RBM47: variants seen among roughly 807,000 people sequenced by gnomAD.
The protein encoded by RBM47 is RNA binding motif protein 47.
RBM47 carries 21 observed loss-of-function variants against 47.1 expected under a neutral mutation model. The observed-to-expected ratio is 0.45, with a 90% CI of 0.32 to 0.64. The LOEUF (loss-of-function observed/expected upper bound fraction) is 0.64. Among genes scored for constraint, RBM47 ranks in the 30% least tolerant of loss-of-function variants. The probability of loss-of-function intolerance (pLI) is 0.05; values close to 1 mark genes in which losing one functional copy is unlikely to be tolerated. For missense variants in RBM47, 708 were observed against 870.9 expected, an observed-to-expected ratio of 0.81 and a Z score of 2.35; for synonymous variants, 375 against 361.7, an observed-to-expected ratio of 1.04 and a Z score of -0.42.
At chr4:40,540,048 T>A in intron 2 of RBM47, among the ~76,000 whole-genome samples, 1 of 152,102 alleles carries the variant, frequency 6.6e-6, no homozygotes, top group East Asian at 1.9e-4. Flanking sequence ...ACTCCAAATG[T>A]TTTACTATTT....
intron 1 of RBM47, among the ~76,000 whole-genome samples, chr4:40,562,736 G>A (rs1730752901): frequency 6.6e-6 from 1 of 152,152 alleles, no homozygotes; most frequent in Non-Finnish European, 1.5e-5. Flanking sequence ...AAAGCATTAG[G>A]ATTACAGGCG....
intron 1 of RBM47, among the ~76,000 whole-genome samples, chr4:40,618,257 T>G (rs11943734): frequency 0.27 from 39,706 of 148,990 alleles, 5,425 homozygotes; most frequent in South Asian, 0.35. Flanking sequence ...AAAAAGAAAA[T>G]AAAAGAAAAG....
chr4:40,629,107 GT>G (rs1269218460), intron 1 of RBM47, among the ~76,000 whole-genome samples: 12 of 150,082 alleles, frequency 8.0e-5, no homozygotes, highest in African/African-American at 3.0e-4. Context: ...ATTTTCAAGA[GT>G]GAAAAAAAAA....
intron 3 of RBM47, among the ~76,000 whole-genome samples, chr4:40,446,962 TGTCTGGCA>T (rs1714634859): frequency 6.6e-6 from 1 of 152,126 alleles, no homozygotes; most frequent in African/African-American, 2.4e-5. Flanking sequence ...GCAGGTAAGC[TGTCTGGCA>T]GTGTGATTCT....
At chr4:40,490,516 T>C (rs1721722198) in intron 2 of RBM47, among the ~76,000 whole-genome samples, 1 of 152,046 alleles carries the variant, frequency 6.6e-6, no homozygotes, top group South Asian at 2.1e-4. Context: ...AATATAAAAT[T>C]AACAAAGCAA....
intron 1 of RBM47, among the ~76,000 whole-genome samples, chr4:40,592,260 T>A (rs575396900): frequency 6.7e-6 from 1 of 149,872 alleles, no homozygotes; most frequent in East Asian, 1.9e-4. Flanking sequence ...TCTTTTACTT[T>A]TTTTTTTTTT....
intron 1 of RBM47, among the ~76,000 whole-genome samples, chr4:40,600,706 C>T (rs545200624): frequency 2.7e-5 from 4 of 147,916 alleles, no homozygotes; most frequent in African/African-American, 7.5e-5. Flanking sequence ...CAAGGCCGGA[C>T]GCAGTGGCTC....
chr4:40,625,947 G>A (rs1355014935), intron 1 of RBM47, among the ~76,000 whole-genome samples: 1 of 152,132 alleles, frequency 6.6e-6, no homozygotes, highest in Non-Finnish European at 1.5e-5. Flanking sequence ...CCCTGAAATG[G>A]CCTTCAGAAA....
intron 2 of RBM47, chr4:40,515,811 A>G (rs989994697): frequency 6.6e-5 from 10 of 152,252 alleles, no homozygotes; most frequent in Non-Finnish European, 1.2e-4. Flanking sequence ...GGCACAGAGC[A>G]GTTCTTGACA....
chr4:40,594,963 G>A (rs1734618863), intron 1 of RBM47, among the ~76,000 whole-genome samples: 2 of 152,010 alleles, frequency 1.3e-5, no homozygotes, highest in Admixed American at 1.3e-4. Context: ...TTTTTGGCAG[G>A]CACCACAGAT....
At chr4:40,592,948 T>C (rs1734305204) in intron 1 of RBM47, among the ~76,000 whole-genome samples, 1 of 8,608 alleles carries the variant, frequency 1.2e-4, no homozygotes, top group African/African-American at 4.1e-4. Flanking sequence ...TATATATATA[T>C]ATATATATAT....
chr4:40,496,213 G>A (rs1222018630), intron 2 of RBM47, among the ~76,000 whole-genome samples: 1 of 152,174 alleles, frequency 6.6e-6, no homozygotes, highest in East Asian at 1.9e-4. Context: ...CAGCACCTGT[G>A]TTGTGTGGGT....
chr4:40,529,986 A>T (rs1329730519), intron 2 of RBM47, among the ~76,000 whole-genome samples: 4 of 106,114 alleles, frequency 3.8e-5, no homozygotes, highest in African/African-American at 1.5e-4. Flanking sequence ...CCCAGGCTGG[A>T]TTACAGTGGT....
rs1300005872 is a variant in RBM47 at position 40,616,874 on chromosome 4, C to CTTTTTTTTT, written c.-240+12513_-240+12521dup. 4.1e-4 allele frequency among the ~76,000 whole-genome samples: 46 copies of CTTTTTTTTT among 111,662 alleles called. 1 individual carries two copies. The highest frequency in any genetic ancestry group is 5.2e-3 in the Middle Eastern group (1 of 194). 73.3% of individuals were successfully genotyped at this position (111,662 alleles called of 152,430 possible). A position where few individuals can be genotyped will look rare whatever the true frequency, so the allele number is the denominator to read the frequency against. On this transcript the variant is annotated intron_variant, in intron 1 of 6. Coordinates refer to ENST00000295971, the MANE Select transcript of RBM47 (RefSeq NM_001098634.2). ...ACTGTTTCATCTTATATTTTCTTTT[C>CTTTTTTTTT]TTTTTTTTTTTTTTTTTTTGAGACA... is the stretch of plus-strand genomic sequence containing the variant.
intron 3 of RBM47, among the ~76,000 whole-genome samples, chr4:40,458,064 T>C (rs941536157): frequency 6.6e-6 from 1 of 152,246 alleles, no homozygotes; most frequent in African/African-American, 2.4e-5. Context: ...CTCCTCCTAA[T>C]TTGAAACTAT....
At chr4:40,527,438 T>G (rs1726850531) in intron 2 of RBM47, among the ~76,000 whole-genome samples, 2 of 43,426 alleles carry the variant, frequency 4.6e-5, no homozygotes, top group Non-Finnish European at 7.4e-5. Flanking sequence ...ACCTGGCAAT[T>G]TTTTTTTTTT....
intron 1 of RBM47, among the ~76,000 whole-genome samples, chr4:40,584,314 A>G (rs548562862): frequency 1.3e-5 from 2 of 152,280 alleles, no homozygotes; most frequent in Admixed American, 1.3e-4. Context: ...CACTCCCCCA[A>G]GGTAAGCTGG....
intron 1 of RBM47, among the ~76,000 whole-genome samples, chr4:40,551,235 T>C (rs1729532960): frequency 6.6e-6 from 1 of 152,154 alleles, no homozygotes; most frequent in Non-Finnish European, 1.5e-5. Flanking sequence ...GGCCACAAAA[T>C]ACATATGGTT....
chr4:40,518,128 C>A (rs1215488687), intron 2 of RBM47, among the ~76,000 whole-genome samples: 1 of 149,908 alleles, frequency 6.7e-6, no homozygotes, highest in Non-Finnish European at 1.5e-5. Flanking sequence ...TCAAATCACA[C>A]CACAAAACAA....
Sources: allele counts gnomAD v4.1 joint callset (sites outside exome capture counted in the v4.1 genomes callset), GRCh38; gene constraint gnomAD v4.1.1; transcripts MANE v1.5; gene names NCBI Gene and HGNC (gene_info 2026-07-23, HGNC 2026-07-21).